The following COLEC11 variants were observed in gnomAD, a reference collection of about 807,000 sequenced individuals.
COLEC11 encodes collectin-11.
A neutral mutation model predicts 27.3 loss-of-function variants in COLEC11; 20 were observed. The ratio of observed to expected loss-of-function variants is 0.73; its 90% CI spans 0.51 to 1.06. The LOEUF is 1.06. Among genes scored for constraint, COLEC11 ranks in the 50% least tolerant of loss-of-function variants. The pLI, the probability that COLEC11 is intolerant of heterozygous loss-of-function variation, is 0.00. For synonymous variants in COLEC11, 163 were observed against 154.7 expected, an observed-to-expected ratio of 1.05 and a Z score of -0.40; for missense variants, 310 against 383.0, an observed-to-expected ratio of 0.81 and a Z score of 1.59.
intron 2 of COLEC11, among the ~76,000 whole-genome samples, chr2:3,612,749 C>T (rs17017748): frequency 0.024 from 3,604 of 152,206 alleles, 148 homozygotes; most frequent in African/African-American, 0.08. Flanking sequence ...CTGTCTCCTG[C>T]ACCTGCTGAG....
At chr2:3,612,109 A>G (rs1187858572) in intron 2 of COLEC11, among the ~76,000 whole-genome samples, 3 of 152,212 alleles carry the variant, frequency 2.0e-5, no homozygotes, top group South Asian at 4.1e-4. Context: ...ATAGAGAAGT[A>G]AAGTTTACGT....
At chr2:3,605,671 T>G in intron 2 of COLEC11, 1 of 198,868 alleles carries the variant, frequency 5.0e-6, no homozygotes, top group Non-Finnish European at 1.0e-5. Context: ...CGCGGTCCGC[T>G]TGGGCCTTCA....
In COLEC11 at chr2:3,617,459, G is replaced by A. The variant is rs1473725856; in HGVS notation, c.202+4077G>A. 3 of 1,286,530 alleles carry A rather than the reference G, an allele frequency of 2.3e-6. No individual in the cohort carries two copies. The East Asian group carries it at 6.9e-5, about 30-fold the overall frequency. 79.7% of individuals were successfully genotyped at this position (1,286,530 alleles called of 1,614,324 possible). A position where few individuals can be genotyped will look rare whatever the true frequency, so the allele number is the denominator to read the frequency against. On this transcript the variant is annotated intron_variant, in intron 3 of 6. Coordinates refer to ENST00000349077, the MANE Select transcript of COLEC11 (RefSeq NM_024027.5). Reference sequence around the variant, plus strand: ...CATTTAAACTTGATCCAATCTCTTTGCATCTTACAAAGCTAAACAGCTAAA... The same window carrying A: ...CATTTAAACTTGATCCAATCTCTTTACATCTTACAAAGCTAAACAGCTAAA...
Position 3,644,155 on chromosome 2 carries a change from G to GTC in COLEC11, c.*38_*39dup, listed in dbSNP as rs777205136. The GTC allele has an allele frequency of 3.7e-6, 6 of 1,601,254 alleles. No homozygotes were observed. In the African/African-American group the frequency reaches 8.0e-5, roughly 21 times the overall value. ...GGGCTGCCCATTGGGGGCCCCACAT[G>GTC]TCCCTGCAGGGTTGGCAGGGACAGA... On this transcript the variant is annotated 3_prime_UTR_variant, in exon 7 of 7. Coordinates refer to ENST00000349077, the MANE Select transcript of COLEC11 (RefSeq NM_024027.5).
rs12466354 is a variant in COLEC11 at position 3,602,713 on chromosome 2, G to A, written c.-26-1602G>A. On this transcript the variant is annotated intron_variant, in intron 1 of 6. Transcript: ENST00000349077. This position sits in a 1 kb window ranked among gnomAD's most constrained non-coding sequence, Gnocchi z 6.2. ...AGAGCAACCCCCAAAGCTGCTGGGC[G>A]CCGGCTCCTGTCTCCTGTCCTCTGT... Among the ~76,000 whole-genome samples the A allele has an allele frequency of 3.4e-4, 52 of 152,328 alleles. 1 individual carries two copies. Among genetic ancestry groups the A allele is most frequent in the East Asian group, 2.5e-3 (13 of 5,188 alleles).
chr2:3,637,387 G>A lies in COLEC11; in HGVS notation c.203-146G>A, dbSNP rs1665502101. On this transcript the variant is annotated intron_variant, in intron 3 of 6. Coordinates refer to ENST00000349077, the MANE Select transcript of COLEC11 (RefSeq NM_024027.5). ...TGACAGTCACATACGTGACCTTGAA[G>A]AGATGTAGAGCTGTCTTTCTTAGTC... 8.4e-6 allele frequency: 6 copies of A among 717,736 alleles called. No homozygotes were observed. In the South Asian group the frequency reaches 9.0e-5, roughly 11 times the overall value. The allele number at this position is 717,736 out of a possible 1,614,324, so 44.5% of individuals were successfully genotyped here.
intron 4 of COLEC11, 102 bp from the exon 5 acceptor site, chr2:3,640,176 G>A: frequency 3.9e-6 from 3 of 777,574 alleles, no homozygotes; most frequent in Non-Finnish European, 4.5e-6. Flanking sequence ...GAGGGCCTGG[G>A]ATAAATCCGC....
At chr2:3,598,708 G>A (rs546679896) in intron 1 of COLEC11, among the ~76,000 whole-genome samples, 3 of 151,814 alleles carry the variant, frequency 2.0e-5, no homozygotes, top group East Asian at 1.9e-4. Context: ...GGCTGGAGGC[G>A]GACCGTGGGT....
Position 3,629,425 on chromosome 2 carries a change from T to C in COLEC11, c.203-8108T>C, listed in dbSNP as rs1286120960. The stretch of plus-strand genomic sequence containing the variant: ...GCTTCTGGGGTTCTCAGTTTAAGCC[T>C]AGGTGCTGACCAACTGTACAAGCTT... On this transcript the variant is annotated intron_variant, in intron 3 of 6. Coordinates refer to ENST00000349077, the MANE Select transcript of COLEC11 (RefSeq NM_024027.5). 4.6e-5 allele frequency among the ~76,000 whole-genome samples: 7 copies of C among 152,358 alleles called. No individual in the cohort carries two copies. The East Asian group carries it at 1.3e-3, about 29-fold the overall frequency.
chr2:3,615,120 A>G (rs1216409861), intron 3 of COLEC11, among the ~76,000 whole-genome samples: 1 of 76,260 alleles, frequency 1.3e-5, no homozygotes, highest in East Asian at 4.0e-4. Flanking sequence ...TTTTTTTTTA[A>G]AGGGATTTTA....
chr2:3,631,876 G>A (rs190608937), intron 3 of COLEC11, among the ~76,000 whole-genome samples: 48 of 152,320 alleles, frequency 3.2e-4, no homozygotes, highest in Non-Finnish European at 6.0e-4. Context: ...TGCGCCATGT[G>A]TCCAGCCCCT....
rs577287534 is a variant in COLEC11 at position 3,629,014 on chromosome 2, G to T, written c.203-8519G>T. Among the ~76,000 whole-genome samples the T allele has an allele frequency of 3.5e-4, 54 of 152,334 alleles. 1 individual carries two copies. In the South Asian group the frequency reaches 0.011, roughly 30 times the overall value. ...TCCTGTTGTCGCACGCAGCCAGCGGGAGGGGGCGTTGCTTGCCTCTTGCAA... is the reference window on the plus strand; with the variant it reads ...TCCTGTTGTCGCACGCAGCCAGCGGTAGGGGGCGTTGCTTGCCTCTTGCAA... On this transcript the variant is annotated intron_variant, in intron 3 of 6. Transcript: ENST00000349077.
intron 3 of COLEC11, among the ~76,000 whole-genome samples, chr2:3,633,446 T>C (rs1225550637): frequency 6.6e-6 from 1 of 152,246 alleles, no homozygotes; most frequent in Non-Finnish European, 1.5e-5. Flanking sequence ...ACTTGGCACC[T>C]GTCTCCGGCG....
chr2:3,605,199 A>T, intron 2 of COLEC11: 1 of 450,814 alleles, frequency 2.2e-6, no homozygotes. Context: ...AGAACCCAAG[A>T]AGGGACAGCA....
chr2:3,626,156 A>T (rs969375821), intron 3 of COLEC11: 3 of 1,322,342 alleles, frequency 2.3e-6, no homozygotes, highest in Middle Eastern at 1.8e-4. Flanking sequence ...AGAATAGGCA[A>T]CCACTCTTCC....
chr2:3,599,527 C>T (rs11902670), intron 1 of COLEC11, among the ~76,000 whole-genome samples: 16,385 of 152,304 alleles, frequency 0.11, 932 homozygotes, highest in Admixed American at 0.16. Flanking sequence ...CTATGTGCCA[C>T]ACTGGGTCAC....
chr2:3,628,475 A>G (rs1487239660), intron 3 of COLEC11, among the ~76,000 whole-genome samples: 1 of 152,216 alleles, frequency 6.6e-6, no homozygotes, highest in East Asian at 1.9e-4. Flanking sequence ...GGCTGTCCCC[A>G]TTGGTGGGGG....
At chr2:3,619,925 C>T (rs531529213) in intron 3 of COLEC11, among the ~76,000 whole-genome samples, 20 of 152,152 alleles carry the variant, frequency 1.3e-4, no homozygotes, top group African/African-American at 4.1e-4. Context: ...CGCTCCCGGC[C>T]GTGTATAATC....
At chr2:3,601,737 C>G (rs1348435373) in intron 1 of COLEC11, among the ~76,000 whole-genome samples, 1 of 152,206 alleles carries the variant, frequency 6.6e-6, no homozygotes, top group Non-Finnish European at 1.5e-5. Context: ...ACGCGCGTGC[C>G]CAAGCCCTGG....
Sources: allele counts gnomAD v4.1 joint callset (sites outside exome capture counted in the v4.1 genomes callset), GRCh38; gene constraint gnomAD v4.1.1; non-coding constraint Gnocchi (gnomAD v3.1); transcripts MANE v1.5; gene names NCBI Gene and HGNC (gene_info 2026-07-23, HGNC 2026-07-21).